The following RBFOX3 variants were observed in gnomAD, a reference collection of about 807,000 sequenced individuals.
RBFOX3 encodes RNA binding protein fox-1 homolog 3.
RBFOX3 carries 17 observed loss-of-function variants against 48.7 expected under a neutral mutation model. The observed-to-expected ratio is 0.35, with a 90% CI of 0.24 to 0.52. The LOEUF (loss-of-function observed/expected upper bound fraction) is 0.52, where lower values mean the gene tolerates loss of function less well. RBFOX3 is among the 20% of genes least tolerant of loss of function. The probability of loss-of-function intolerance (pLI) is 0.94; values close to 1 mark genes in which losing one functional copy is unlikely to be tolerated. For missense variants in RBFOX3, 382 were observed against 497.5 expected (o/e 0.77, Z 2.21); for synonymous variants, 212 against 209.5 (o/e 1.01, Z -0.10).
intron 2 of RBFOX3, among the ~76,000 whole-genome samples, chr17:79,428,824 C>G (rs1295592898): frequency 6.6e-6 from 1 of 152,220 alleles, no homozygotes; most frequent in Non-Finnish European, 1.5e-5. Flanking sequence ...GGGTAACCAT[C>G]GGTCTAATTT....
chr17:79,632,538 G>A, the RBFOX3 span, among the ~76,000 whole-genome samples: 1 of 152,040 alleles, frequency 6.6e-6, no homozygotes, highest in Non-Finnish European at 1.5e-5. Flanking sequence ...GGTCATTGCT[G>A]GCCAAGTCAC....
chr17:79,320,935 C>T (rs568862910), intron 2 of RBFOX3, among the ~76,000 whole-genome samples: 2 of 152,292 alleles, frequency 1.3e-5, no homozygotes, highest in South Asian at 2.1e-4. Context: ...ATTCAGAGTC[C>T]GGCACATTCT....
At chr17:79,290,139 G>C (rs1210470473) in intron 3 of RBFOX3, among the ~76,000 whole-genome samples, 1 of 152,012 alleles carries the variant, frequency 6.6e-6, no homozygotes, top group Non-Finnish European at 1.5e-5. Flanking sequence ...GCTGTAGGGG[G>C]GTCCTCACAT....
intron 2 of RBFOX3, among the ~76,000 whole-genome samples, chr17:79,422,401 C>T (rs1229717804): frequency 6.6e-6 from 1 of 151,926 alleles, no homozygotes; most frequent in Non-Finnish European, 1.5e-5. Context: ...TCCCTGTGCC[C>T]GGCCCTCCAC....
intron 1 of RBFOX3, among the ~76,000 whole-genome samples, chr17:79,574,444 G>C (rs986220034): frequency 6.6e-6 from 1 of 152,092 alleles, no homozygotes; most frequent in African/African-American, 2.4e-5. Context: ...CTCACTGTGC[G>C]GTAATTATAA....
At chr17:79,245,262 C>A (rs762891546) in intron 3 of RBFOX3, among the ~76,000 whole-genome samples, 12 of 152,006 alleles carry the variant, frequency 7.9e-5, no homozygotes, top group African/African-American at 1.2e-4. Flanking sequence ...ACCTTGTTGT[C>A]CAGGCTGGTT....
chr17:79,448,967 G>C (rs1455730034), intron 2 of RBFOX3, among the ~76,000 whole-genome samples: 1 of 152,046 alleles, frequency 6.6e-6, no homozygotes, highest in Non-Finnish European at 1.5e-5. Context: ...GGCACTAGAA[G>C]GGTCACTTTG....
rs2080267148 is a variant in RBFOX3 at position 79,331,400 on chromosome 17, C to T, written c.-174-23576G>A. On this transcript the variant is annotated intron_variant, in intron 2 of 14. Coordinates refer to ENST00000693108, the MANE Select transcript of RBFOX3 (RefSeq NM_001350451.2). ...GAGTCAACAAGCCCCTTCCTGCCTCCAAAGCCTCTGGGGGGTGCATCACTG... is the reference window on the plus strand; with the variant it reads ...GAGTCAACAAGCCCCTTCCTGCCTCTAAAGCCTCTGGGGGGTGCATCACTG... Among the ~76,000 whole-genome samples the T allele has an allele frequency of 2.0e-5, 3 of 152,312 alleles. No homozygotes were observed. The South Asian group carries it at 6.2e-4, about 32-fold the overall frequency.
chr17:79,241,893 A>T (rs2062434209), intron 3 of RBFOX3, among the ~76,000 whole-genome samples: 1 of 152,172 alleles, frequency 6.6e-6, no homozygotes, highest in Non-Finnish European at 1.5e-5. Flanking sequence ...ACCCTCCCTC[A>T]TGACCTCATC....
chr17:79,456,978 ATG>A (rs1158123009), intron 2 of RBFOX3, among the ~76,000 whole-genome samples: 3 of 152,340 alleles, frequency 2.0e-5, no homozygotes, highest in East Asian at 3.9e-4. Flanking sequence ...CATGAATTGT[ATG>A]TGTGTGTTAT....
Position 79,471,606 on chromosome 17 carries a change from G to A in RBFOX3, c.-175+10848C>T, listed in dbSNP as rs1187333331. Among the ~76,000 whole-genome samples the A allele has an allele frequency of 3.9e-5, 6 of 152,162 alleles. No homozygotes were observed. The East Asian group carries it at 9.6e-4, about 24-fold the overall frequency. ...AGAGCACGACATAAACAAGGAAGGC[G>A]CACACACACCTGTCACCTCTCCGTG... On this transcript the variant is annotated intron_variant, in intron 2 of 14. Transcript: ENST00000693108. This position sits in a 1 kb window ranked among gnomAD's most constrained non-coding sequence, Gnocchi z 4.0.
chr17:79,333,763 C>T (rs900665515), intron 2 of RBFOX3, among the ~76,000 whole-genome samples: 2 of 152,188 alleles, frequency 1.3e-5, no homozygotes, highest in African/African-American at 4.8e-5. Context: ...CCCCAGCTCC[C>T]TGATCCCATC....
chr17:79,238,963 C>G (rs2061981023), intron 3 of RBFOX3, among the ~76,000 whole-genome samples: 1 of 152,132 alleles, frequency 6.6e-6, no homozygotes, highest in Admixed American at 6.5e-5. Context: ...CTCCCCGAGC[C>G]CAGCTTCGTC....
intron 1 of RBFOX3, among the ~76,000 whole-genome samples, chr17:79,568,850 C>A (rs1289990360): frequency 6.6e-6 from 1 of 152,146 alleles, no homozygotes; most frequent in African/African-American, 2.4e-5. Flanking sequence ...ACCCCCAGGA[C>A]CTGCTCCGTG....
chr17:79,440,267 G>A (rs186036433), intron 2 of RBFOX3, among the ~76,000 whole-genome samples: 7 of 152,330 alleles, frequency 4.6e-5, no homozygotes, highest in East Asian at 3.9e-4. Flanking sequence ...TCCTGCGGAC[G>A]GGCCGTGCTT....
rs1299703545 is a variant in RBFOX3 at position 79,287,681 on chromosome 17, G to A, written c.-74+20043C>T. 3.9e-5 allele frequency among the ~76,000 whole-genome samples: 6 copies of A among 152,132 alleles called. No homozygotes were observed. The South Asian group carries it at 8.3e-4, about 21-fold the overall frequency. ...CCTGAGGTGACCTGTGCCCTGTGCCGGCACTGATGAGGTTGGCAGGGAAGC... is the reference window on the plus strand; with the variant it reads ...CCTGAGGTGACCTGTGCCCTGTGCCAGCACTGATGAGGTTGGCAGGGAAGC... On this transcript the variant is annotated intron_variant, in intron 3 of 14. Transcript: ENST00000693108.
At chr17:79,654,461 T>C in the RBFOX3 span, among the ~76,000 whole-genome samples, 2 of 152,316 alleles carry the variant, frequency 1.3e-5, no homozygotes, top group South Asian at 4.1e-4. Flanking sequence ...CTGGGGCATG[T>C]CTAAAAGACT....
chr17:79,219,383 T>C (rs2059441605), intron 4 of RBFOX3, among the ~76,000 whole-genome samples: 1 of 152,220 alleles, frequency 6.6e-6, no homozygotes, highest in African/African-American at 2.4e-5. Context: ...TTCTCCAAAG[T>C]GTGTGCATGT....
At chr17:79,346,780 C>G (rs2082997961) in intron 2 of RBFOX3, among the ~76,000 whole-genome samples, 1 of 152,152 alleles carries the variant, frequency 6.6e-6, no homozygotes, top group African/African-American at 2.4e-5. Context: ...AAGTCTTAAG[C>G]ATTTTAAAAT....
Sources: allele counts gnomAD v4.1 joint callset (sites outside exome capture counted in the v4.1 genomes callset), GRCh38; gene constraint gnomAD v4.1.1; non-coding constraint Gnocchi (gnomAD v3.1); transcripts MANE v1.5; gene names NCBI Gene and HGNC (gene_info 2026-07-23, HGNC 2026-07-21).